The following OVCH1 variants were observed in gnomAD, a reference collection of about 807,000 sequenced individuals.
OVCH1 encodes ovochymase 1.
In OVCH1, 139 loss-of-function variants were observed where a neutral mutation model predicts 138.4. The ratio of observed to expected loss-of-function variants is 1.00; its 90% CI spans 0.87 to 1.16. The LOEUF (loss-of-function observed/expected upper bound fraction) is 1.16. OVCH1 is among the 50% of genes most tolerant of loss of function. The pLI is 0.00. For missense variants in OVCH1, 1,367 were observed against 1,357.9 expected, an observed-to-expected ratio of 1.01 and a Z score of -0.11; for synonymous variants, 453 against 467.8, an observed-to-expected ratio of 0.97 and a Z score of 0.41.
At chr12:29,410,123 A>T (rs1940935032), downstream of OVCH1, among the ~76,000 whole-genome samples, 1 of 151,260 alleles carries the variant, frequency 6.6e-6, no homozygotes, top group Middle Eastern at 3.4e-3. Flanking sequence ...AGAGACTAGG[A>T]TTGCAACCCC....
At position 29,439,319 on chromosome 12, in the gene OVCH1, G is replaced by A. The variant is rs77520899; in HGVS notation, c.3264+9C>T. 6.0e-3 allele frequency: 8,922 copies of A among 1,497,080 alleles called. 350 individuals are homozygous for A. In the African/African-American group the frequency reaches 0.094, roughly 16 times the overall value. The allele number at this position is 1,497,080 out of a possible 1,614,324, so 92.7% of individuals were successfully genotyped here. On this transcript the variant is annotated intron_variant, in intron 26 of 27. Transcript: ENST00000318184. The stretch of plus-strand genomic sequence containing the variant: ...GCCCAAGTTCTAATCACCTCTTTGA[G>A]TTACTCACCACTGAATTTTCCCATA...
chr12:29,435,867 C>T (rs1941349490), intron 26 of OVCH1, among the ~76,000 whole-genome samples: 1 of 152,072 alleles, frequency 6.6e-6, no homozygotes, highest in Admixed American at 6.6e-5. Flanking sequence ...ACATATTTTT[C>T]CTCCTTCTTT....
chr12:29,488,714 A>G (rs905258676), intron 6 of OVCH1, among the ~76,000 whole-genome samples: 5 of 152,088 alleles, frequency 3.3e-5, no homozygotes, highest in Non-Finnish European at 7.4e-5. Flanking sequence ...TGCATCTTCA[A>G]TAACATTCCA....
chr12:29,477,632 C>A (rs1025704510), intron 9 of OVCH1, 154 bp from the exon 11 acceptor site: 45 of 1,593,582 alleles, frequency 2.8e-5, no homozygotes, highest in Non-Finnish European at 3.9e-5. Flanking sequence ...TTCCCTGCTT[C>A]AGTGACTTTG....
downstream of OVCH1, among the ~76,000 whole-genome samples, chr12:29,411,099 A>G (rs372831122): frequency 8.9e-6 from 1 of 112,718 alleles, no homozygotes; most frequent in South Asian, 2.9e-4. Context: ...TGATCGCATC[A>G]GCTCCTGAGG....
exon 22 of OVCH1, chr12:29,451,446 G>A: frequency 1.2e-6 from 2 of 1,613,126 alleles, no homozygotes; most frequent in South Asian, 2.2e-5. Context: ...GGTAAATTTT[G>A]CCATACTGCT....
intron 27 of OVCH1, among the ~76,000 whole-genome samples, chr12:29,433,360 T>G (rs1941303378): frequency 6.6e-6 from 1 of 152,108 alleles, no homozygotes; most frequent in African/African-American, 2.4e-5. Context: ...CAGCACACGC[T>G]CTCTTGCCTG....
At chr12:29,427,644 A>G in exon 28 of OVCH1, 1 of 1,550,810 alleles carries the variant, frequency 6.4e-7, no homozygotes. Flanking sequence ...CTCAGCCTCC[A>G]TACTGTGAGA....
the OVCH1 span, among the ~76,000 whole-genome samples, chr12:29,405,854 A>G: frequency 2.0e-5 from 3 of 152,238 alleles, no homozygotes; most frequent in African/African-American, 7.2e-5. Context: ...CCGAATAAAC[A>G]TAATGTTTAG....
chr12:29,430,866 T>C (rs1364786679), intron 27 of OVCH1: 4 of 517,198 alleles, frequency 7.7e-6, no homozygotes, highest in South Asian at 2.8e-5. Flanking sequence ...CAAAGTTCAG[T>C]TGGAGAGTTC....
chr12:29,462,293 T>C (rs1942165162), intron 18 of OVCH1, among the ~76,000 whole-genome samples: 1 of 150,516 alleles, frequency 6.6e-6, no homozygotes. Context: ...GTATCAAATA[T>C]TTCTGCATAA....
chr12:29,403,406 C>T, the OVCH1 span, among the ~76,000 whole-genome samples: 11,054 of 152,184 alleles, frequency 0.073, 516 homozygotes, highest in East Asian at 0.17. Context: ...AAAGCTGAAC[C>T]ATACGCCCTT....
rs67595567 is a variant in OVCH1, at chr12:29,488,620, C to CAAAAAAAAAAA, written c.703-749_703-739dup. Among the ~76,000 whole-genome samples the CAAAAAAAAAAA allele has an allele frequency of 2.0e-3, 125 of 61,726 alleles. 6 individuals are homozygous for CAAAAAAAAAAA. The highest frequency in any genetic ancestry group is 8.0e-3 in the African/African-American group (118 of 14,754). The allele number at this position is 61,726 out of a possible 152,430, so 40.5% of individuals were successfully genotyped here. A position where few individuals can be genotyped will look rare whatever the true frequency, so the allele number is the denominator to read the frequency against. ...TGGGCAACAGAGTGAGACTCCATCT[C>CAAAAAAAAAAA]AAAAAAAAAAAAAAAAAAAAAAAGA... On this transcript the variant is annotated intron_variant, in intron 6 of 27. Transcript: ENST00000318184.
intron 3 of OVCH1, among the ~76,000 whole-genome samples, chr12:29,416,913 T>C (rs1015782585): frequency 1.4e-4 from 22 of 152,214 alleles, no homozygotes; most frequent in African/African-American, 4.8e-4. Flanking sequence ...AGATATGCTT[T>C]GACAGAAGAA....
intron 24 of OVCH1, 126 bp downstream of exon 24, chr12:29,444,019 C>T: frequency 1.9e-6 from 2 of 1,071,060 alleles, no homozygotes; most frequent in Non-Finnish European, 2.6e-6. Flanking sequence ...TTAGGGGTTA[C>T]CTAAGAGTCT....
rs1941861198 is a variant in OVCH1 at position 29,453,667 on chromosome 12, C to T, written c.2530+1174G>A. On this transcript the variant is annotated intron_variant, in intron 21 of 27. Transcript: ENST00000318184. ...CAAATCTCTCATCCTTATTTCACTC[C>T]TTACCCATCCTAAATTCCAATGATC... 2.6e-5 allele frequency among the ~76,000 whole-genome samples: 4 copies of T among 152,230 alleles called. No homozygotes were observed. In the South Asian group the frequency reaches 6.2e-4, roughly 24 times the overall value.
intron 16 of OVCH1, among the ~76,000 whole-genome samples, chr12:29,467,607 G>T (rs962402860): frequency 6.6e-6 from 1 of 152,140 alleles, no homozygotes; most frequent in African/African-American, 2.4e-5. Flanking sequence ...ATCACAGAAA[G>T]AAAGTCACTG....
intron 27 of OVCH1, among the ~76,000 whole-genome samples, chr12:29,433,031 A>G (rs12321184): frequency 0.043 from 6,605 of 152,274 alleles, 450 homozygotes; most frequent in African/African-American, 0.14. Flanking sequence ...GTGAGTATAA[A>G]TAACTTCCAT....
chr12:29,443,409 C>T, exon 25 of OVCH1: 2 of 1,611,750 alleles, frequency 1.2e-6, no homozygotes, highest in Non-Finnish European at 1.7e-6. Context: ...CGCAGATGAC[C>T]ATGACAGACA....
Sources: gnomAD v4.1 joint callset for allele counts (sites outside exome capture counted in the v4.1 genomes callset) on GRCh38, gnomAD v4.1.1 for gene constraint, MANE v1.5 for transcripts, NCBI Gene and HGNC (gene_info 2026-07-23, HGNC 2026-07-21) for gene names.